PRH1: variants seen among roughly 807,000 people sequenced by gnomAD.
PRH1 encodes proline rich protein HaeIII subfamily 1.
A neutral mutation model predicts 7.9 loss-of-function variants in PRH1; 7 were observed. The observed-to-expected ratio is 0.89, with a 90% CI of 0.50 to 1.67. PRH1 has a LOEUF of 1.67. Among genes scored for constraint, PRH1 ranks in the 40% most tolerant of loss-of-function variants. PRH1 has a pLI of 0.00. For missense variants in PRH1, 109 were observed against 223.6 expected, an observed-to-expected ratio of 0.49 and a Z score of 3.27; for synonymous variants, 45 against 80.8, an observed-to-expected ratio of 0.56 and a Z score of 2.38.
At chr12:10,883,279 A>G (rs745799457) in intron 1 of PRH1, among the ~76,000 whole-genome samples, 183 bp from the exon 2 acceptor site, 5 of 152,176 alleles carry the variant, frequency 3.3e-5, no homozygotes, top group African/African-American at 4.8e-5. Flanking sequence ...TTGTTACTAC[A>G]CTGAGCGTCA....
intron 1 of PRH1, among the ~76,000 whole-genome samples, chr12:11,087,729 C>A (rs1263676658): frequency 8.6e-6 from 1 of 116,462 alleles, no homozygotes; most frequent in African/African-American, 2.9e-5. Flanking sequence ...TAACCTGATT[C>A]ACTTAACCTA....
intron 2 of PRH1, chr12:10,939,369 G>A (rs1950354209): frequency 9.7e-6 from 5 of 515,550 alleles, no homozygotes; most frequent in Non-Finnish European, 1.7e-5. Context: ...TAATGGCTGG[G>A]TTTAAAGCTC....
chr12:10,887,615 G>A (rs1443062628), upstream of PRH1, among the ~76,000 whole-genome samples: 3 of 149,040 alleles, frequency 2.0e-5, no homozygotes, highest in Non-Finnish European at 3.0e-5. Context: ...TCCACCTCCC[G>A]GGTTCAAGCA....
chr12:11,078,237 T>C lies in PRH1; in HGVS notation n.124-31049A>G, dbSNP rs762824265. 15 of 374,112 alleles carry C rather than the reference T, an allele frequency of 4.0e-5. 2 individuals are homozygous for C. Among genetic ancestry groups the C allele is most frequent in the African/African-American group, 6.8e-5 (3 of 43,802 alleles). 23.2% of individuals were successfully genotyped at this position (374,112 alleles called of 1,614,324 possible). On this transcript the variant is annotated intron_variant and non_coding_transcript_variant, in intron 1 of 4. Coordinates refer to the PRH1 transcript ENST00000541977. ...TTGATAAAATGATGAGCAGAAAATA[T>C]ACCATGTTTGAACAGACAAAAAGAA...
intron 2 of PRH1, among the ~76,000 whole-genome samples, chr12:10,905,205 G>A (rs2135817072): frequency 6.6e-6 from 1 of 151,800 alleles, no homozygotes; most frequent in African/African-American, 2.4e-5. Flanking sequence ...CACTTTTTTG[G>A]TCTAATCCAT....
chr12:11,123,189 AT>A (rs1945972229), intron 1 of PRH1, among the ~76,000 whole-genome samples: 1 of 152,152 alleles, frequency 6.6e-6, no homozygotes, highest in East Asian at 1.9e-4. Context: ...ACTTCTGTAT[AT>A]TTTTCCATTT....
intron 1 of PRH1, among the ~76,000 whole-genome samples, chr12:10,980,962 T>C (rs769785676): frequency 6.6e-6 from 1 of 152,188 alleles, no homozygotes; most frequent in Non-Finnish European, 1.5e-5. Context: ...GATAGGCCAA[T>C]AGTTGAAGAG....
intron 1 of PRH1, among the ~76,000 whole-genome samples, chr12:11,024,931 T>C (rs1329036782): frequency 2.0e-5 from 3 of 152,206 alleles, no homozygotes; most frequent in Admixed American, 1.3e-4. Context: ...GCATATATCT[T>C]ATCAATTATA....
At chr12:11,132,910 A>G (rs1188494112) in intron 1 of PRH1, 1 of 180,470 alleles carries the variant, frequency 5.5e-6, no homozygotes, top group Non-Finnish European at 1.2e-5. Flanking sequence ...TTCAAATAAC[A>G]ATAGAAAAGA....
intron 2 of PRH1, among the ~76,000 whole-genome samples, chr12:10,959,070 C>A (rs1449661137): frequency 2.0e-5 from 3 of 152,066 alleles, no homozygotes; most frequent in Non-Finnish European, 4.4e-5. Flanking sequence ...AGAGTGATGA[C>A]AAGGGATTGG....
chr12:10,916,630 G>A (rs1477189647), intron 2 of PRH1, among the ~76,000 whole-genome samples: 1 of 151,792 alleles, frequency 6.6e-6, no homozygotes, highest in East Asian at 1.9e-4. Context: ...AATAGAGGTA[G>A]GTGGTAAACA....
chr12:11,126,347 T>G (rs960256806), intron 1 of PRH1, among the ~76,000 whole-genome samples: 19 of 148,544 alleles, frequency 1.3e-4, no homozygotes, highest in Non-Finnish European at 1.9e-4. Context: ...TTTATATAAA[T>G]GTAATTATAC....
intron 1 of PRH1, among the ~76,000 whole-genome samples, chr12:11,039,774 CT>C (rs1413039657): frequency 6.6e-6 from 1 of 152,236 alleles, no homozygotes; most frequent in African/African-American, 2.4e-5. Context: ...GCTACTAATA[CT>C]TTTGTATAAC....
chr12:11,038,321 AG>A, intron 1 of PRH1, among the ~76,000 whole-genome samples: 1 of 152,270 alleles, frequency 6.6e-6, no homozygotes, highest in Non-Finnish European at 1.5e-5. Context: ...GCAAGAAAAA[AG>A]AATTTGCCAG....
chr12:11,030,195 G>A (rs1942117174), intron 1 of PRH1, among the ~76,000 whole-genome samples: 1 of 150,866 alleles, frequency 6.6e-6, no homozygotes, highest in South Asian at 2.1e-4. Flanking sequence ...GCATGTTATT[G>A]TCAATGTTCT....
intron 1 of PRH1, chr12:11,021,796 A>G (rs1159095945): frequency 1.9e-6 from 3 of 1,614,244 alleles, no homozygotes; most frequent in Non-Finnish European, 2.5e-6. Context: ...CAGGAGTACA[A>G]GTTTGCTCTG....
At chr12:11,078,304 T>A in intron 1 of PRH1, 1 of 287,362 alleles carries the variant, frequency 3.5e-6, no homozygotes, top group South Asian at 5.9e-5. Flanking sequence ...ATACCCTTAA[T>A]ATCCAAACAT....
At chr12:11,075,381 C>CT (rs201938175) in intron 1 of PRH1, among the ~76,000 whole-genome samples, 2,144 of 104,310 alleles carry the variant, frequency 0.021, 361 homozygotes, top group African/African-American at 0.052. Flanking sequence ...AGTTTGCTAG[C>CT]TTTTTTTTTT....
chr12:11,004,246 G>A (rs56948424), intron 1 of PRH1, among the ~76,000 whole-genome samples: 1 of 152,196 alleles, frequency 6.6e-6, no homozygotes, highest in African/African-American at 2.4e-5. Context: ...TGTAATCCCA[G>A]CACTTTGGGA....
Sources: gnomAD v4.1 joint callset for allele counts (sites outside exome capture counted in the v4.1 genomes callset) on GRCh38, gnomAD v4.1.1 for gene constraint, MANE v1.5 for transcripts, NCBI Gene and HGNC (gene_info 2026-07-23, HGNC 2026-07-21) for gene names.